EEF1B2: variants seen among roughly 807,000 people sequenced by gnomAD.
The protein encoded by EEF1B2 is eukaryotic translation elongation factor 1 beta 2, also known as elongation factor 1-beta.
In EEF1B2, 12 loss-of-function variants were observed where a neutral mutation model predicts 28.3. That is an observed-to-expected ratio of 0.42 (90% confidence interval 0.27 to 0.69). EEF1B2 has a LOEUF of 0.69. EEF1B2 is among the 30% of genes least tolerant of loss of function. The probability of loss-of-function intolerance (pLI) is 0.22; values close to 1 mark genes in which losing one functional copy is unlikely to be tolerated. For synonymous variants in EEF1B2, 83 were observed against 99.9 expected, an observed-to-expected ratio of 0.83 and a Z score of 1.01; for missense variants, 234 against 272.6, an observed-to-expected ratio of 0.86 and a Z score of 1.00.
chr2:206,161,781 AAAG>A (rs1288422079), intron 3 of EEF1B2: 78 of 627,338 alleles, frequency 1.2e-4, no homozygotes, highest in Non-Finnish European at 1.3e-4. Flanking sequence ...AAAAAAAAAA[AAAG>A]AATACATCGA....
Position 206,162,071 on chromosome 2 carries a change from C to T in EEF1B2, c.364C>T (p.Arg122Cys), listed in dbSNP as rs781272066. 12 of 1,613,906 alleles carry T rather than the reference C, an allele frequency of 7.4e-6. No individual in the cohort carries two copies. Among genetic ancestry groups the T allele is most frequent in the Admixed American group, 1.7e-5 (1 of 59,992 alleles). ...SEEAKRLREE[R>C]LAQYESKKAK... ...AGAAGCAAAGAGGCTAAGGGAAGAA[C>T]GTCTTGCACAATATGAATCAAAGAA... Residue 122 changes from arginine (R) to cysteine (C), a missense_variant, in exon 4 of 6, where the codon CGT becomes TGT. Arg to Cys is a radical substitution (Grantham distance 180). This residue lies in a region of EEF1B2 where 178 missense variants were observed against 173.3 expected (regional missense o/e 1.03). Transcript: ENST00000392222.
At chr2:206,161,161 G>GTAC (rs1359295782) in intron 2 of EEF1B2, 185 bp from the exon 3 acceptor site, 3 of 687,392 alleles carry the variant, frequency 4.4e-6, no homozygotes, top group East Asian at 5.6e-5. Flanking sequence ...GTCTCACATG[G>GTAC]TACTAATGCT....
chr2:206,162,446 A>G, intron 4 of EEF1B2, 43 bp from the exon 5 acceptor site: 1 of 1,609,626 alleles, frequency 6.2e-7, no homozygotes, highest in South Asian at 1.1e-5. Context: ...AGGGTGAAAA[A>G]AATACAATTC....
At chr2:206,160,905 CA>C (rs1559072972) in intron 2 of EEF1B2, 195 bp downstream of exon 2, 1 of 884,814 alleles carries the variant, frequency 1.1e-6, no homozygotes, top group South Asian at 1.4e-5. Flanking sequence ...TGGACAGCAG[CA>C]ATTCAACTTT....
intron 3 of EEF1B2, 155 bp from the exon 4 acceptor site, chr2:206,161,883 T>C (rs1391418875): frequency 1.3e-6 from 1 of 784,346 alleles, no homozygotes; most frequent in Admixed American, 1.7e-5. Flanking sequence ...TCTGACTGGT[T>C]GCATGATGAA....
At chr2:206,160,210 C>G in intron 1 of EEF1B2, 151 bp downstream of exon 1, 1 of 1,074,760 alleles carries the variant, frequency 9.3e-7, no homozygotes, top group South Asian at 1.6e-5. Flanking sequence ...TTGCCGTCTC[C>G]CAAGGCCCTC....
chr2:206,160,594 G>C lies in EEF1B2; in HGVS notation c.87G>C (p.Val29=), dbSNP rs753884424. Residue 29 remains valine, a synonymous_variant, in exon 2 of 6, where the codon GTG becomes GTC. Transcript: ENST00000392222. ...GTTTCTGTGTCCTTGGCAGGTATGT[G>C]CCATCACAAGCAGATGTGGCAGTAT... ...LADKSYIEGY[V]PSQADVAVFE... is the part of the protein sequence containing the mutation. 2 of 1,613,876 alleles carry C rather than the reference G, an allele frequency of 1.2e-6. No homozygotes were observed. Among genetic ancestry groups the C allele is most frequent in the Non-Finnish European group, 1.7e-6 (2 of 1,180,014 alleles).
chr2:206,160,519 G>C, intron 1 of EEF1B2, 69 bp from the exon 2 acceptor site: 1 of 1,611,122 alleles, frequency 6.2e-7, no homozygotes, highest in Non-Finnish European at 8.5e-7. Flanking sequence ...GATGCATACG[G>C]TATTTATTAT....
At chr2:206,160,184 A>C in intron 1 of EEF1B2, 125 bp downstream of exon 1, 1 of 1,243,502 alleles carries the variant, frequency 8.0e-7, no homozygotes, top group Non-Finnish European at 1.1e-6. Context: ...TTCGAGAGGG[A>C]GGGGAAAGCG....
chr2:206,161,833 G>T, intron 3 of EEF1B2: 1 of 741,960 alleles, frequency 1.3e-6, no homozygotes, highest in Non-Finnish European at 2.5e-6. Context: ...AAATTGCCTG[G>T]ATTTGAATCC....
intron 1 of EEF1B2, 139 bp downstream of exon 1, chr2:206,160,198 C>T (rs1007212525): frequency 1.7e-6 from 2 of 1,146,672 alleles, no homozygotes; most frequent in African/African-American, 1.6e-5. Context: ...GAAAGCGCCC[C>T]GTTGCCGTCT....
At chr2:206,161,633 A>C (rs1215529052) in intron 3 of EEF1B2, among the ~76,000 whole-genome samples, 161 bp downstream of exon 3, 1 of 152,042 alleles carries the variant, frequency 6.6e-6, no homozygotes, top group African/African-American at 2.4e-5. Context: ...ATACAAAAAA[A>C]TGTGGCAGGC....
In EEF1B2 at chr2:206,162,824, A is replaced by G; in HGVS notation, c.619A>G (p.Ile207Val). ...TGGAACAGATATGCTGGAGGAGCAG[A>G]TCACTGCTTTTGAGGACTATGTGCA... Reference protein sequence around the residue: ...KVGTDMLEEQITAFEDYVQSM... With the variant: ...KVGTDMLEEQVTAFEDYVQSM... The change falls in exon 6 of 6, where the codon ATC (isoleucine) becomes GTC (valine). Residue 207 changes from isoleucine (I) to valine (V), a missense_variant. Around this residue, in one of 2 missense-constraint regions of EEF1B2, gnomAD observed 56 missense variants for 99.3 expected, o/e 0.56. Coordinates refer to ENST00000392222, the MANE Select transcript of EEF1B2 (RefSeq NM_001959.4). 6.2e-7 allele frequency: 1 copy of G among 1,604,944 alleles called. No individual in the cohort carries two copies. The highest frequency in any genetic ancestry group is 1.3e-5 in the African/African-American group (1 of 75,050).
intron 1 of EEF1B2, among the ~76,000 whole-genome samples, chr2:206,160,267 A>G (rs1353031942): frequency 6.6e-6 from 1 of 152,196 alleles, no homozygotes; most frequent in Non-Finnish European, 1.5e-5. Context: ...GAGCAAGGAA[A>G]GGTTAAAATG....
rs748811604 is a variant in EEF1B2, at chr2:206,162,494, G to A, written c.403G>A (p.Ala135Thr). 4 of 1,612,666 alleles carry A rather than the reference G, an allele frequency of 2.5e-6. No homozygotes were observed. Among genetic ancestry groups the A allele is most frequent in the Admixed American group, 1.7e-5 (1 of 59,798 alleles). Residue 135 changes from alanine to threonine, a missense_variant, in exon 5 of 6, where the codon GCA becomes ACA. Ala to Thr is a moderately conservative substitution (Grantham distance 58, BLOSUM62 0). Transcript: ENST00000392222. ...QYESKKAKKP[A>T]LVAKSSILLD... is the part of the protein sequence containing the mutation. ...ATGCTGTTTATTGTTTTTAGAACCT[G>A]CACTTGTTGCCAAGTCTTCCATCTT...
At chr2:206,161,261 T>A in intron 2 of EEF1B2, 85 bp from the exon 3 acceptor site, 3 of 1,568,442 alleles carry the variant, frequency 1.9e-6, no homozygotes, top group Non-Finnish European at 2.6e-6. Context: ...TAGTGATAAG[T>A]AGTGATTAAA....
In EEF1B2 at chr2:206,160,066, G is replaced by T; in HGVS notation, c.80+7G>T. ...ACAAGAGCTACATCGAGGGGTGAGC[G>T]GACGGGCTGAGTCGGGGTGGCGGGG... is the stretch of plus-strand genomic sequence containing the variant. On this transcript the variant is annotated splice_region_variant and intron_variant, in intron 1 of 5. Coordinates refer to ENST00000392222, the MANE Select transcript of EEF1B2 (RefSeq NM_001959.4). 6.2e-7 allele frequency: 1 copy of T among 1,610,370 alleles called. No homozygotes were observed. The highest frequency in any genetic ancestry group is 1.7e-5 in the Admixed American group (1 of 59,764).
rs777306539 is a variant in EEF1B2 at position 206,161,297 on chromosome 2, AAGGATGTT to A, written c.204-47_204-40del. 5.6e-6 allele frequency: 9 copies of A among 1,602,788 alleles called. No individual in the cohort carries two copies. The East Asian group carries it at 2.0e-4, about 36-fold the overall frequency. ...ACAAGTTATTTTGTATTTTCTGGAA[AAGGATGTT>A]ATACTAGCTCAATAGTGGTTGAATT... is the stretch of plus-strand genomic sequence containing the variant. On this transcript the variant is annotated intron_variant, in intron 2 of 5. Coordinates refer to ENST00000392222, the MANE Select transcript of EEF1B2 (RefSeq NM_001959.4).
At chr2:206,162,665 C>T (rs759614861) in intron 5 of EEF1B2, 51 bp downstream of exon 5, 1 of 1,567,628 alleles carries the variant, frequency 6.4e-7, no homozygotes. Context: ...CTGGAATTTG[C>T]CTACAGTTTC....
Sources: allele counts gnomAD v4.1 joint callset (sites outside exome capture counted in the v4.1 genomes callset), GRCh38; gene constraint gnomAD v4.1.1; regional missense constraint gnomAD v4.1.1; transcripts MANE v1.5; gene names NCBI Gene and HGNC (gene_info 2026-07-23, HGNC 2026-07-21).